Variants in MREG observed in about 807,000 individuals in gnomAD.
MREG encodes the protein dilute suppressor protein homolog.
In MREG, 31 loss-of-function variants were observed where a neutral mutation model predicts 28.5. The ratio of observed to expected loss-of-function variants is 1.09; its 90% CI spans 0.82 to 1.47. The LOEUF (loss-of-function observed/expected upper bound fraction) is 1.47, where lower values mean the gene tolerates loss of function less well. Among genes scored for constraint, MREG ranks in the 40% most tolerant of loss-of-function variants. MREG has a pLI of 0.00. For synonymous variants in MREG, 106 were observed against 95.2 expected, an observed-to-expected ratio of 1.11 and a Z score of -0.66; for missense variants, 256 against 257.4, an observed-to-expected ratio of 0.99 and a Z score of 0.04.
At chr2:216,005,650 A>T (rs555036190) in intron 1 of MREG, among the ~76,000 whole-genome samples, 1 of 151,638 alleles carries the variant, frequency 6.6e-6, no homozygotes, top group Non-Finnish European at 1.5e-5. Flanking sequence ...ACAGGGTTTC[A>T]CCATGTTGGC....
In MREG at chr2:215,959,978, C is replaced by A. The variant is rs112756810; in HGVS notation, c.256-12865G>T. Among the ~76,000 whole-genome samples, 36 of 148,244 alleles carry A rather than the reference C, an allele frequency of 2.4e-4. 2 individuals carry two copies. The highest frequency in any genetic ancestry group is 7.0e-3 in the Middle Eastern group (2 of 284). On this transcript the variant is annotated intron_variant, in intron 2 of 4. Coordinates refer to ENST00000263268, the MANE Select transcript of MREG (RefSeq NM_018000.3). ...AGATACTCCTTTTTTTTTTTTGAGA[C>A]GGAGTCTCGCTCTGTCGCACAGGCT...
intron 2 of MREG, among the ~76,000 whole-genome samples, chr2:215,957,635 T>C (rs930666428): frequency 6.6e-5 from 10 of 152,140 alleles, no homozygotes; most frequent in African/African-American, 2.4e-4. Context: ...GACTCCCTGA[T>C]ACTTTTCTGA....
intron 2 of MREG, among the ~76,000 whole-genome samples, chr2:215,961,389 C>T (rs1465841412): frequency 1.3e-5 from 2 of 152,000 alleles, no homozygotes; most frequent in Admixed American, 6.5e-5. Context: ...GAGATGAGAA[C>T]TAGCTTCTAG....
At chr2:215,950,568 C>T (rs116244202) in intron 2 of MREG, among the ~76,000 whole-genome samples, 3,837 of 152,164 alleles carry the variant, frequency 0.025, 146 homozygotes, top group African/African-American at 0.086. Flanking sequence ...AAAATTAGTT[C>T]AATGAAACTA....
intron 1 of MREG, among the ~76,000 whole-genome samples, chr2:216,025,563 A>G (rs1694583429): frequency 6.6e-6 from 1 of 152,282 alleles, no homozygotes; most frequent in African/African-American, 2.4e-5. Flanking sequence ...ATGAAAATTC[A>G]GAGCTGCTCT....
chr2:215,949,071 ACTACTACTACTAC>A (rs1559173479), intron 2 of MREG, among the ~76,000 whole-genome samples: 1,456 of 139,446 alleles, frequency 0.01, 11 homozygotes, highest in East Asian at 0.026. Flanking sequence ...TACTACTACT[ACTACTACTACTAC>A]TACTAATAAT....
intron 1 of MREG, among the ~76,000 whole-genome samples, chr2:216,021,988 A>T (rs768998353): frequency 5.3e-5 from 8 of 152,202 alleles, no homozygotes; most frequent in Non-Finnish European, 1.2e-4. Context: ...CTATACTCCC[A>T]ACACATTGGG....
chr2:215,972,577 C>T (rs2105991306), intron 2 of MREG, among the ~76,000 whole-genome samples: 1 of 144,774 alleles, frequency 6.9e-6, no homozygotes, highest in South Asian at 2.2e-4. Flanking sequence ...GATTGTGCCA[C>T]TGCACTTCAG....
At chr2:216,032,826 G>A (rs1694730386) in exon 1 of MREG, 1 of 152,124 alleles carries the variant, frequency 6.6e-6, no homozygotes, top group African/African-American at 2.4e-5. Context: ...CTGCTGGTTG[G>A]TCTTATTTCA....
chr2:216,027,671 T>A (rs1694616293), intron 1 of MREG, among the ~76,000 whole-genome samples: 1 of 152,110 alleles, frequency 6.6e-6, no homozygotes. Flanking sequence ...CCAGCCTCGG[T>A]GACAGAACAA....
At chr2:215,962,573 A>T (rs1336506244) in intron 2 of MREG, among the ~76,000 whole-genome samples, 1 of 152,240 alleles carries the variant, frequency 6.6e-6, no homozygotes. Flanking sequence ...TTACATTTCT[A>T]ACAAGGCAGA....
At chr2:215,975,071 TAA>T (rs1412565216) in intron 2 of MREG, among the ~76,000 whole-genome samples, 1 of 145,186 alleles carries the variant, frequency 6.9e-6, no homozygotes, top group Non-Finnish European at 1.5e-5. Flanking sequence ...CAGAAAACTA[TAA>T]AGTTAAAGGA....
chr2:215,995,500 A>G (rs1231449323), intron 2 of MREG, among the ~76,000 whole-genome samples: 1 of 130,402 alleles, frequency 7.7e-6, no homozygotes, highest in Admixed American at 7.5e-5. Context: ...CAGCACCTCC[A>G]CCCACCCCAC....
chr2:215,989,187 C>T (rs1438846262), intron 2 of MREG, among the ~76,000 whole-genome samples: 2 of 152,176 alleles, frequency 1.3e-5, no homozygotes, highest in Non-Finnish European at 2.9e-5. Flanking sequence ...ACAAAACTTC[C>T]AGAGGAAGGA....
At chr2:216,030,403 C>G (rs1694661884) in intron 1 of MREG, among the ~76,000 whole-genome samples, 1 of 152,140 alleles carries the variant, frequency 6.6e-6, no homozygotes. Context: ...CCAGTTTCCT[C>G]AACTGTAAAA....
chr2:215,946,515 T>C (rs2105965677), intron 3 of MREG, among the ~76,000 whole-genome samples: 1 of 152,200 alleles, frequency 6.6e-6, no homozygotes, highest in African/African-American at 2.4e-5. Context: ...TTGAGAAAAA[T>C]CATTATCATT....
intron 2 of MREG, among the ~76,000 whole-genome samples, chr2:215,985,084 T>C (rs1301482113): frequency 1.3e-5 from 2 of 152,212 alleles, no homozygotes; most frequent in East Asian, 1.9e-4. Flanking sequence ...GAAATAATAA[T>C]GGTGCCTGCT....
At chr2:215,966,368 A>G (rs796172823) in intron 2 of MREG, among the ~76,000 whole-genome samples, 7 of 152,014 alleles carry the variant, frequency 4.6e-5, no homozygotes, top group African/African-American at 1.7e-4. Flanking sequence ...TTCATGACCT[A>G]CCCCAGTTCT....
chr2:215,940,852 C>T (rs559303678), downstream of MREG, among the ~76,000 whole-genome samples: 11 of 152,090 alleles, frequency 7.2e-5, no homozygotes, highest in South Asian at 4.2e-4. Context: ...TGTGTGTGTG[C>T]GCGCGTGTGT....
Sources: gnomAD v4.1 joint callset for allele counts (sites outside exome capture counted in the v4.1 genomes callset) on GRCh38, gnomAD v4.1.1 for gene constraint, MANE v1.5 for transcripts, NCBI Gene and HGNC (gene_info 2026-07-23, HGNC 2026-07-21) for gene names.